CDH12: variants seen among roughly 807,000 people sequenced by gnomAD.
CDH12 encodes cadherin-12.
In CDH12, 41 loss-of-function variants were observed where a neutral mutation model predicts 74.1. The observed-to-expected ratio is 0.55, with a 90% confidence interval of 0.43 to 0.72. The LOEUF (loss-of-function observed/expected upper bound fraction) is 0.72. Ranked by LOEUF, CDH12 falls within the 30% of genes least tolerant of loss-of-function variation. The pLI is 0.00. For missense variants in CDH12, 945 were observed against 977.2 expected (o/e 0.97, Z 0.44); for synonymous variants, 399 against 355.0 (o/e 1.12, Z -1.39).
chr5:22,022,181 A>T, intron 5 of CDH12, among the ~76,000 whole-genome samples: 1 of 152,082 alleles, frequency 6.6e-6, no homozygotes, highest in Non-Finnish European at 1.5e-5. Context: ...GTGATATGGT[A>T]TGGCTCTGTC....
chr5:22,592,557 A>AT (rs1291328381), intron 1 of CDH12, among the ~76,000 whole-genome samples: 2 of 151,934 alleles, frequency 1.3e-5, no homozygotes, highest in African/African-American at 4.8e-5. Context: ...TTCATAAAAT[A>AT]TTTTTCAGTG....
At chr5:22,091,611 T>C (rs1456346917) in intron 4 of CDH12, among the ~76,000 whole-genome samples, 5 of 152,090 alleles carry the variant, frequency 3.3e-5, no homozygotes, top group African/African-American at 1.2e-4. Flanking sequence ...GGAAAGTTAA[T>C]ATTATTAAGA....
At chr5:22,398,948 C>A (rs2126441350) in intron 3 of CDH12, among the ~76,000 whole-genome samples, 1 of 152,090 alleles carries the variant, frequency 6.6e-6, no homozygotes, top group Middle Eastern at 3.4e-3. Flanking sequence ...CCTTACATAG[C>A]CCTATGAAGG....
intron 1 of CDH12, among the ~76,000 whole-genome samples, chr5:22,751,658 A>C (rs1745583782): frequency 6.6e-6 from 1 of 152,120 alleles, no homozygotes. Context: ...TGATAATTCA[A>C]ATGTAGCTGC....
chr5:21,798,892 G>A (rs1345707439), intron 10 of CDH12, among the ~76,000 whole-genome samples: 2 of 152,104 alleles, frequency 1.3e-5, no homozygotes, highest in Non-Finnish European at 2.9e-5. Flanking sequence ...CAAACGGTGG[G>A]GGTGCAGCTA....
intron 1 of CDH12, among the ~76,000 whole-genome samples, chr5:22,575,519 A>C (rs1042218711): frequency 5.1e-4 from 77 of 152,080 alleles, no homozygotes; most frequent in African/African-American, 1.8e-3. Flanking sequence ...CAGCCTCCCA[A>C]GTGGGTGAAA....
At chr5:22,790,652 T>C (rs1747862246) in intron 1 of CDH12, among the ~76,000 whole-genome samples, 1 of 151,706 alleles carries the variant, frequency 6.6e-6, no homozygotes, top group Non-Finnish European at 1.5e-5. Context: ...ACTATATATA[T>C]ACTTTTTCAT....
Position 22,573,936 on chromosome 5 carries a change from G to A in CDH12, c.-522-68572C>T, listed in dbSNP as rs183422803. Among the ~76,000 whole-genome samples the A allele has an allele frequency of 2.6e-3, 395 of 152,110 alleles. 3 individuals carry two copies. The highest frequency in any genetic ancestry group is 1.5e-3 in the Non-Finnish European group (101 of 67,990). On this transcript the variant is annotated intron_variant, in intron 1 of 14. Coordinates refer to ENST00000382254, the MANE Select transcript of CDH12 (RefSeq NM_004061.5). ...TAGCTTCCTTCCAATGAAGTGTCAC[G>A]CTAAATGGTGTTGAACACTGACTCT... is the stretch of plus-strand genomic sequence containing the variant.
chr5:22,685,526 G>A (rs1451158729), intron 1 of CDH12, among the ~76,000 whole-genome samples: 2 of 152,156 alleles, frequency 1.3e-5, no homozygotes, highest in African/African-American at 4.8e-5. Context: ...GTGAGTCACT[G>A]CGCCCAGCGC....
Position 22,138,875 on chromosome 5 carries a change from T to TATATATATATATATATAC in CDH12, c.-186-60014_-186-60013insGTATATATATATATATAT, listed in dbSNP as rs1256794399. 2.9e-4 allele frequency among the ~76,000 whole-genome samples: 40 copies of TATATATATATATATATAC among 137,678 alleles called. 1 individual carries two copies. The highest frequency in any genetic ancestry group is 8.8e-4 in the African/African-American group (33 of 37,528). The allele number at this position is 137,678 out of a possible 152,430, so 90.3% of individuals were successfully genotyped here. A position where few individuals can be genotyped will look rare whatever the true frequency, so the allele number is the denominator to read the frequency against. On this transcript the variant is annotated intron_variant, in intron 4 of 14. Coordinates refer to ENST00000382254, the MANE Select transcript of CDH12 (RefSeq NM_004061.5). ...ATATATATATATATATATATATATATACATGTTGGACTCATCGATGTACAT... is the reference window on the plus strand; with the variant it reads ...ATATATATATATATATATATATATATATATATATATATATATACACATGTTGGACTCATCGATGTACAT...
At chr5:22,553,863 C>T (rs1287896453) in intron 1 of CDH12, among the ~76,000 whole-genome samples, 2 of 152,058 alleles carry the variant, frequency 1.3e-5, no homozygotes, top group East Asian at 3.9e-4. Flanking sequence ...CAGCCTAGAT[C>T]CCTCGCATGC....
At chr5:22,401,859 G>C (rs1226418434) in intron 3 of CDH12, among the ~76,000 whole-genome samples, 1 of 152,170 alleles carries the variant, frequency 6.6e-6, no homozygotes, top group Non-Finnish European at 1.5e-5. Context: ...GGAAGGCCAT[G>C]TGGAGAAGGA....
At chr5:22,851,420 T>G (rs1737552750) in intron 1 of CDH12, among the ~76,000 whole-genome samples, 1 of 151,954 alleles carries the variant, frequency 6.6e-6, no homozygotes, top group East Asian at 1.9e-4. Flanking sequence ...ATCAAAAACA[T>G]TTTTTTAATG....
At chr5:21,864,611 A>G in intron 6 of CDH12, among the ~76,000 whole-genome samples, 1 of 152,200 alleles carries the variant, frequency 6.6e-6, no homozygotes, top group East Asian at 1.9e-4. Context: ...AGGAGCACAA[A>G]ACAGACTAAT....
At chr5:22,657,284 G>A (rs1347876726) in intron 1 of CDH12, among the ~76,000 whole-genome samples, 2 of 152,082 alleles carry the variant, frequency 1.3e-5, no homozygotes, top group East Asian at 1.9e-4. Context: ...AGGATGCTTC[G>A]CTTCAGAGAT....
intron 6 of CDH12, among the ~76,000 whole-genome samples, chr5:21,863,213 T>A (rs1751145000): frequency 6.6e-6 from 1 of 152,060 alleles, no homozygotes; most frequent in Admixed American, 6.6e-5. Flanking sequence ...TACTCACACT[T>A]ATTTACTGTT....
intron 3 of CDH12, among the ~76,000 whole-genome samples, chr5:22,246,882 C>T (rs1273477379): frequency 6.6e-6 from 1 of 152,010 alleles, no homozygotes; most frequent in Non-Finnish European, 1.5e-5. Flanking sequence ...CCTTTAGATA[C>T]TCATGAATGA....
intron 6 of CDH12, among the ~76,000 whole-genome samples, chr5:21,952,702 A>C (rs1755920355): frequency 6.6e-6 from 1 of 152,152 alleles, no homozygotes; most frequent in African/African-American, 2.4e-5. Context: ...CGGTAGTTTG[A>C]ATAAGCATTT....
At chr5:22,584,823 A>G (rs566569397) in intron 1 of CDH12, among the ~76,000 whole-genome samples, 1 of 152,298 alleles carries the variant, frequency 6.6e-6, no homozygotes, top group Non-Finnish European at 1.5e-5. Context: ...ATCATAGCTT[A>G]CTGTGTTCAT....
Sources: gnomAD v4.1 joint callset for allele counts (sites outside exome capture counted in the v4.1 genomes callset) on GRCh38, gnomAD v4.1.1 for gene constraint, MANE v1.5 for transcripts, NCBI Gene and HGNC (gene_info 2026-07-23, HGNC 2026-07-21) for gene names.